The following TLE4 variants were observed in gnomAD, a reference collection of about 807,000 sequenced individuals.
TLE4 encodes the protein TLE family member 4, transcriptional corepressor.
TLE4 carries 8 observed loss-of-function variants against 92.8 expected under a neutral mutation model. That is an observed-to-expected ratio of 0.09 (90% confidence interval 0.05 to 0.16). The LOEUF is 0.16. TLE4 is among the 10% of genes least tolerant of loss of function. TLE4 has a pLI of 1.00. For synonymous variants in TLE4, 371 were observed against 374.1 expected, an observed-to-expected ratio of 0.99 and a Z score of 0.10; for missense variants, 675 against 997.6, an observed-to-expected ratio of 0.68 and a Z score of 4.36.
At chr9:79,633,477 G>A (rs1030300662) in intron 6 of TLE4, among the ~76,000 whole-genome samples, 1 of 152,116 alleles carries the variant, frequency 6.6e-6, no homozygotes, top group Non-Finnish European at 1.5e-5. Context: ...AGTGTTATAA[G>A]AGTTGCAGAA....
chr9:79,592,949 A>G (rs2043071141), intron 4 of TLE4, among the ~76,000 whole-genome samples: 1 of 152,234 alleles, frequency 6.6e-6, no homozygotes, highest in African/African-American at 2.4e-5. Context: ...TGAGCTAAAC[A>G]CTGAAATTAC....
At chr9:79,585,151 CGTT>C (rs1278581542) in intron 4 of TLE4, among the ~76,000 whole-genome samples, 6 of 152,008 alleles carry the variant, frequency 3.9e-5, no homozygotes, top group Non-Finnish European at 5.9e-5. Context: ...GATAGTATAA[CGTT>C]GTTGAAAGAA....
At chr9:79,660,812 T>A (rs1324738132) in intron 8 of TLE4, among the ~76,000 whole-genome samples, 1 of 152,158 alleles carries the variant, frequency 6.6e-6, no homozygotes, top group Non-Finnish European at 1.5e-5. Context: ...CCTCAGGTGG[T>A]GAGCATAAAT....
At chr9:79,573,482 A>C (rs989910152) in intron 1 of TLE4, 4 of 958,078 alleles carry the variant, frequency 4.2e-6, no homozygotes, top group Non-Finnish European at 5.5e-6. Context: ...TGCGGGCGGG[A>C]GTATGCGGGG....
chr9:79,647,300 A>G (rs2058248479), intron 6 of TLE4, among the ~76,000 whole-genome samples: 1 of 152,198 alleles, frequency 6.6e-6, no homozygotes, highest in Non-Finnish European at 1.5e-5. Flanking sequence ...TTGAATATAT[A>G]GAGACATATG....
intron 4 of TLE4, chr9:79,576,892 G>A (rs2037977926): frequency 6.6e-6 from 1 of 151,476 alleles, no homozygotes; most frequent in Non-Finnish European, 1.5e-5. Context: ...TGAATAAAAT[G>A]GTTTGGCTTA....
chr9:79,630,782 A>G (rs957396336), intron 6 of TLE4, among the ~76,000 whole-genome samples: 1 of 152,230 alleles, frequency 6.6e-6, no homozygotes, highest in South Asian at 2.1e-4. Context: ...TAATCAGTAC[A>G]TGCTGTGTGA....
intron 10 of TLE4, 71 bp from the exon 11 acceptor site, chr9:79,706,676 G>A: frequency 6.5e-7 from 1 of 1,539,242 alleles, no homozygotes; most frequent in South Asian, 1.3e-5. Flanking sequence ...GGCTAGAAAT[G>A]TCCACACCCA....
At chr9:79,633,843 G>A (rs34084620) in intron 6 of TLE4, among the ~76,000 whole-genome samples, 3,547 of 152,250 alleles carry the variant, frequency 0.023, 72 homozygotes, top group Admixed American at 0.041. Flanking sequence ...GAGAGGGAGG[G>A]AAGAAGCATG....
intron 1 of TLE4, among the ~76,000 whole-genome samples, chr9:79,573,071 C>G (rs2036306771): frequency 2.0e-5 from 3 of 151,992 alleles, no homozygotes. Context: ...GTCTTTGAAG[C>G]CCCTGGAAGC....
intron 14 of TLE4, among the ~76,000 whole-genome samples, chr9:79,714,647 T>A (rs1337099570): frequency 6.6e-6 from 1 of 152,246 alleles, no homozygotes; most frequent in African/African-American, 2.4e-5. Flanking sequence ...CAGAATACTT[T>A]CCATTAGAAT....
intron 4 of TLE4, among the ~76,000 whole-genome samples, chr9:79,610,566 C>T (rs2048131527): frequency 6.6e-6 from 1 of 151,974 alleles, no homozygotes; most frequent in Non-Finnish European, 1.5e-5. Flanking sequence ...TGCCAATTAG[C>T]CTGACCATGA....
At chr9:79,696,002 G>C (rs1461030018) in intron 8 of TLE4, among the ~76,000 whole-genome samples, 1 of 152,164 alleles carries the variant, frequency 6.6e-6, no homozygotes, top group Non-Finnish European at 1.5e-5. Context: ...GATTTCTGTT[G>C]TGACTCTGAG....
chr9:79,572,944 C>T lies in TLE4; in HGVS notation c.45+109C>T. 4.2e-6 allele frequency: 5 copies of T among 1,202,092 alleles called. No homozygotes were observed. The South Asian group carries it at 4.5e-5, about 11-fold the overall frequency. The allele number at this position is 1,202,092 out of a possible 1,614,324, so 74.5% of individuals were successfully genotyped here. ...GGCCGGAGGGGCGTGGAGAGCCGCC[C>T]GAAATCGGCGCCCCGCGCCGGGAGC... On this transcript the variant is annotated intron_variant, in intron 1 of 19. Coordinates refer to ENST00000376552, the MANE Select transcript of TLE4 (RefSeq NM_007005.6).
At chr9:79,603,605 T>C (rs1251892044) in intron 4 of TLE4, among the ~76,000 whole-genome samples, 1 of 152,150 alleles carries the variant, frequency 6.6e-6, no homozygotes, top group African/African-American at 2.4e-5. Flanking sequence ...AGTACACACA[T>C]GTACTGGGAA....
At chr9:79,577,376 T>C (rs1018212956) in intron 4 of TLE4, among the ~76,000 whole-genome samples, 4 of 152,212 alleles carry the variant, frequency 2.6e-5, no homozygotes, top group African/African-American at 9.6e-5. Context: ...AGACGTTGCT[T>C]ACATTGAGGA....
chr9:79,625,713 A>T (rs2052441043), intron 5 of TLE4, among the ~76,000 whole-genome samples: 1 of 152,084 alleles, frequency 6.6e-6, no homozygotes, highest in Non-Finnish European at 1.5e-5. Flanking sequence ...CTGAAATGAC[A>T]ATTGCTGGCC....
rs376481313 is a variant in TLE4, at chr9:79,607,189, C to T, written c.253-5467C>T. Among the ~76,000 whole-genome samples the T allele has an allele frequency of 8.5e-5, 13 of 152,298 alleles. No homozygotes were observed. The South Asian group carries it at 2.1e-3, about 24-fold the overall frequency. ...TGTCTTCTTTTGCGAAGTGTCTGTT[C>T]ATATCCTTTGCCCACTTTTTGATGG... On this transcript the variant is annotated intron_variant, in intron 4 of 19. Coordinates refer to ENST00000376552, the MANE Select transcript of TLE4 (RefSeq NM_007005.6).
intron 8 of TLE4, among the ~76,000 whole-genome samples, chr9:79,693,910 C>G (rs553707092): frequency 1.2e-4 from 18 of 152,282 alleles, no homozygotes; most frequent in African/African-American, 3.4e-4. Flanking sequence ...ATTACTGCAC[C>G]ACTTAGCTTG....
Sources: allele counts gnomAD v4.1 joint callset (sites outside exome capture counted in the v4.1 genomes callset), GRCh38; gene constraint gnomAD v4.1.1; transcripts MANE v1.5; gene names NCBI Gene and HGNC (gene_info 2026-07-23, HGNC 2026-07-21).